The following UXS1 variants were observed in gnomAD, a reference collection of about 807,000 sequenced individuals.
UXS1 encodes UDP-glucuronate decarboxylase 1.
In UXS1, 33 loss-of-function variants were observed where a neutral mutation model predicts 62.6. The ratio of observed to expected loss-of-function variants is 0.53; its 90% CI spans 0.40 to 0.70. The LOEUF is 0.70. UXS1 is among the 30% of genes least tolerant of loss of function. The pLI is 0.00. For synonymous variants in UXS1, 213 were observed against 206.8 expected, an observed-to-expected ratio of 1.03 and a Z score of -0.26; for missense variants, 434 against 556.3, an observed-to-expected ratio of 0.78 and a Z score of 2.21.
intron 1 of UXS1, among the ~76,000 whole-genome samples, chr2:106,174,885 G>A (rs1230978028): frequency 6.6e-6 from 1 of 152,214 alleles, no homozygotes; most frequent in African/African-American, 2.4e-5. Flanking sequence ...CCTTCCAAAA[G>A]TTAGGCCTCA....
chr2:106,105,903 A>T (rs1419290703), intron 10 of UXS1, among the ~76,000 whole-genome samples: 2 of 152,264 alleles, frequency 1.3e-5, no homozygotes, highest in African/African-American at 4.8e-5. Flanking sequence ...AACAAGCTTG[A>T]TTATAACAAC....
intron 6 of UXS1, among the ~76,000 whole-genome samples, chr2:106,137,040 T>C (rs1275332793): frequency 5.6e-5 from 8 of 143,918 alleles, no homozygotes; most frequent in African/African-American, 1.3e-4. Flanking sequence ...CCAATGCTTA[T>C]GGGAAGAATA....
At chr2:106,155,229 T>C (rs1221933847) in intron 5 of UXS1, among the ~76,000 whole-genome samples, 1 of 152,140 alleles carries the variant, frequency 6.6e-6, no homozygotes, top group African/African-American at 2.4e-5. Flanking sequence ...TATCAACATA[T>C]TTAAAGTGTA....
chr2:106,096,679 G>A, intron 14 of UXS1, 39 bp downstream of exon 14: 1 of 1,512,238 alleles, frequency 6.6e-7, no homozygotes. Flanking sequence ...GACACGGGAG[G>A]CCCCTCCCCA....
intron 6 of UXS1, among the ~76,000 whole-genome samples, chr2:106,143,553 G>C (rs557121950): frequency 6.7e-6 from 1 of 150,356 alleles, no homozygotes; most frequent in Non-Finnish European, 1.5e-5. Flanking sequence ...ATCCATTCAC[G>C]ATCCGATCTG....
At chr2:106,162,411 G>A (rs1355868476) in intron 4 of UXS1, among the ~76,000 whole-genome samples, 3 of 152,190 alleles carry the variant, frequency 2.0e-5, no homozygotes, top group Non-Finnish European at 2.9e-5. Context: ...GGAAGTTATC[G>A]AATTGAGACA....
intron 1 of UXS1, among the ~76,000 whole-genome samples, chr2:106,188,806 G>A (rs1407424460): frequency 6.6e-6 from 1 of 152,236 alleles, no homozygotes; most frequent in Non-Finnish European, 1.5e-5. Flanking sequence ...GCCTCACACA[G>A]AAACGGGAAG....
chr2:106,156,686 T>C (rs957541710), intron 5 of UXS1, among the ~76,000 whole-genome samples: 5 of 152,190 alleles, frequency 3.3e-5, no homozygotes, highest in African/African-American at 1.2e-4. Flanking sequence ...TAGATAATTA[T>C]AATACCTAAT....
chr2:106,169,584 G>A (rs1468432651), intron 1 of UXS1, among the ~76,000 whole-genome samples: 1 of 152,188 alleles, frequency 6.6e-6, no homozygotes, highest in African/African-American at 2.4e-5. Flanking sequence ...CTACATGGCG[G>A]GGGCAGAAGC....
intron 3 of UXS1, 72 bp downstream of exon 3, chr2:106,164,664 C>T: frequency 3.3e-6 from 4 of 1,199,498 alleles, no homozygotes; most frequent in Non-Finnish European, 3.5e-6. Context: ...ATAAGAATGA[C>T]AGCACGAGCA....
chr2:106,164,516 C>G (rs891640533), intron 3 of UXS1, among the ~76,000 whole-genome samples: 27 of 152,174 alleles, frequency 1.8e-4, no homozygotes, highest in African/African-American at 6.5e-4. Context: ...AAGTCTAAAT[C>G]CATTTTGCCT....
intron 6 of UXS1, among the ~76,000 whole-genome samples, chr2:106,143,362 T>C (rs1279149980): frequency 3.3e-5 from 4 of 120,998 alleles, no homozygotes; most frequent in East Asian, 5.0e-4. Flanking sequence ...TGAGCTGAGA[T>C]CGTGCCACTG....
chr2:106,157,139 G>A (rs1345076138), intron 5 of UXS1, among the ~76,000 whole-genome samples: 1 of 152,132 alleles, frequency 6.6e-6, no homozygotes, highest in Admixed American at 6.5e-5. Flanking sequence ...ATGGGTATAG[G>A]CTTTCCTTGG....
At chr2:106,121,999 A>T (rs1459264819) in intron 9 of UXS1, among the ~76,000 whole-genome samples, 1 of 152,160 alleles carries the variant, frequency 6.6e-6, no homozygotes, top group African/African-American at 2.4e-5. Context: ...CCTGAGACAG[A>T]CAGTCAGGAA....
chr2:106,094,516 C>A (rs1188938167), intron 14 of UXS1, among the ~76,000 whole-genome samples: 2 of 152,340 alleles, frequency 1.3e-5, no homozygotes, highest in East Asian at 3.9e-4. Flanking sequence ...TGCCCATGTG[C>A]CCCATTCTTT....
intron 1 of UXS1, among the ~76,000 whole-genome samples, chr2:106,167,942 A>G (rs531745882): frequency 6.3e-4 from 96 of 152,328 alleles, no homozygotes; most frequent in African/African-American, 2.1e-3. Context: ...TAGGCAGATC[A>G]CCTGAGGTCA....
chr2:106,103,344 G>A (rs998200626), intron 11 of UXS1, among the ~76,000 whole-genome samples: 1 of 152,214 alleles, frequency 6.6e-6, no homozygotes, highest in Non-Finnish European at 1.5e-5. Context: ...CATGTGGTGT[G>A]GGGGCTGGAG....
chr2:106,115,410 T>G (rs1481343333), intron 9 of UXS1, among the ~76,000 whole-genome samples: 2 of 152,236 alleles, frequency 1.3e-5, no homozygotes, highest in Admixed American at 6.5e-5. Context: ...GCTGGTGCCT[T>G]TGAGCATAGA....
rs142368082 is a variant in UXS1, at chr2:106,148,742, T to C, written c.292-3372A>G. On this transcript the variant is annotated intron_variant, in intron 5 of 14. Coordinates refer to ENST00000283148, the MANE Select transcript of UXS1 (RefSeq NM_001253875.2). ...GCAAGTGTTTCAAATAGAAACAAAT[T>C]TGGTGAAAGCTTAGCACTTACAAAG... Among the ~76,000 whole-genome samples, 604 of 152,352 alleles carry C rather than the reference T, an allele frequency of 4.0e-3. 6 individuals are homozygous for C. Among genetic ancestry groups the C allele is most frequent in the African/African-American group, 0.013 (557 of 41,574 alleles).
Sources: gnomAD v4.1 joint callset for allele counts (sites outside exome capture counted in the v4.1 genomes callset) on GRCh38, gnomAD v4.1.1 for gene constraint, MANE v1.5 for transcripts, NCBI Gene and HGNC (gene_info 2026-07-23, HGNC 2026-07-21) for gene names.